The following ACSS2 variants were observed in gnomAD, a reference collection of about 807,000 sequenced individuals.
The protein encoded by ACSS2 is acyl-CoA synthetase short chain family member 2.
Under a neutral mutation model 90.6 loss-of-function variants are expected in ACSS2, and 58 were observed. The observed-to-expected ratio is 0.64, with a 90% CI of 0.52 to 0.80. The LOEUF is 0.80. Ranked by LOEUF, ACSS2 falls within the 30% of genes least tolerant of loss-of-function variation. The probability of loss-of-function intolerance (pLI) is 0.00; values close to 1 mark genes in which losing one functional copy is unlikely to be tolerated. For missense variants in ACSS2, 759 were observed against 912.0 expected (o/e 0.83, Z 2.16); for synonymous variants, 300 against 330.9 (o/e 0.91, Z 1.01).
At position 34,921,318 on chromosome 20, in the gene ACSS2, C is replaced by G. The variant is rs1223055928; in HGVS notation, c.1278-12C>G. 1 of 1,613,996 alleles carries G rather than the reference C, an allele frequency of 6.2e-7. No homozygotes were observed. Among genetic ancestry groups the G allele is most frequent in the Non-Finnish European group, 8.5e-7 (1 of 1,179,994 alleles). On this transcript the variant is annotated splice_polypyrimidine_tract_variant and intron_variant, in intron 10 of 17. Coordinates refer to ENST00000360596, the MANE Select transcript of ACSS2 (RefSeq NM_018677.4). The stretch of plus-strand genomic sequence containing the variant: ...ACTCAGAGCCTTCCTCTCTCCCATT[C>G]CCCTGCCCCAGGCATAGCCGGGCAT...
At chr20:34,885,554 A>C (rs1277913151) in intron 2 of ACSS2, among the ~76,000 whole-genome samples, 1 of 152,214 alleles carries the variant, frequency 6.6e-6, no homozygotes, top group African/African-American at 2.4e-5. Context: ...TAATTCATAA[A>C]ATGATTGAGT....
chr20:34,926,442 A>G (rs1976768743), intron 16 of ACSS2, among the ~76,000 whole-genome samples, 161 bp downstream of exon 16: 1 of 152,154 alleles, frequency 6.6e-6, no homozygotes, highest in South Asian at 2.1e-4. Context: ...AGTCTCCACT[A>G]GTCTCCCACT....
At chr20:34,910,703 G>T (rs974877323) in intron 2 of ACSS2, among the ~76,000 whole-genome samples, 4 of 152,202 alleles carry the variant, frequency 2.6e-5, no homozygotes, top group African/African-American at 7.2e-5. Context: ...TAGGCAGGGT[G>T]ATTGGGAGAT....
In ACSS2 at chr20:34,919,489, G is replaced by A; in HGVS notation, c.889G>A (p.Gly297Arg). 1 of 1,613,030 alleles carries A rather than the reference G, an allele frequency of 6.2e-7. No individual in the cohort carries two copies. Among genetic ancestry groups the A allele is most frequent in the Non-Finnish European group, 8.5e-7 (1 of 1,180,000 alleles). Residue 297 changes from glycine to arginine, a missense_variant, in exon 8 of 18, where the codon GGG becomes AGG. Transcript: ENST00000360596. The part of the protein sequence containing the change: ...LWWHELMQEA[G>R]DECEPEWCDA... The stretch of plus-strand genomic sequence containing the variant: ...GTGGCATGAGCTCATGCAAGAGGCA[G>A]GGGATGAGTGTGAGCCCGAGTGGTG...
At chr20:34,886,492 T>C (rs991336024) in intron 2 of ACSS2, among the ~76,000 whole-genome samples, 1 of 152,050 alleles carries the variant, frequency 6.6e-6, no homozygotes, top group East Asian at 1.9e-4. Context: ...GGCATGGTAG[T>C]GCACACCTGC....
At chr20:34,921,951 C>T (rs1292385069) in intron 13 of ACSS2, 85 bp downstream of exon 13, 3 of 1,535,478 alleles carry the variant, frequency 2.0e-6, no homozygotes, top group East Asian at 4.5e-5. Flanking sequence ...ATAACCTAAT[C>T]TCTCCTGGTA....
intron 2 of ACSS2, among the ~76,000 whole-genome samples, chr20:34,885,353 C>T (rs1005875481): frequency 6.6e-6 from 1 of 152,182 alleles, no homozygotes; most frequent in Admixed American, 6.5e-5. Context: ...TTTTCAATCA[C>T]TGGAGAGTTT....
At chr20:34,888,917 C>G (rs1464846526) in intron 2 of ACSS2, among the ~76,000 whole-genome samples, 1 of 151,922 alleles carries the variant, frequency 6.6e-6, no homozygotes, top group Admixed American at 6.6e-5. Flanking sequence ...AGTATTGACA[C>G]CAGCAGGATA....
At position 34,924,565 on chromosome 20, in the gene ACSS2, T is replaced by C. The variant is rs949828020; in HGVS notation, c.1658-1133T>C. Among the ~76,000 whole-genome samples, 8 of 152,148 alleles carry C rather than the reference T, an allele frequency of 5.3e-5. No homozygotes were observed. In the East Asian group the frequency reaches 1.5e-3, roughly 29 times the overall value. The stretch of plus-strand genomic sequence containing the variant: ...GACTGAAGCCTGTGTGGCTGGAGCG[T>C]AGCAAGCAAAGGGAAGAATATTACA... On this transcript the variant is annotated intron_variant, in intron 14 of 17. Coordinates refer to ENST00000360596, the MANE Select transcript of ACSS2 (RefSeq NM_018677.4).
intron 7 of ACSS2, among the ~76,000 whole-genome samples, chr20:34,916,993 T>C (rs971271272): frequency 1.3e-5 from 2 of 152,204 alleles, no homozygotes; most frequent in Non-Finnish European, 2.9e-5. Flanking sequence ...CAATCAAAGG[T>C]TGCTTTGCTA....
At chr20:34,895,250 C>T (rs2080435591) in intron 2 of ACSS2, among the ~76,000 whole-genome samples, 1 of 151,992 alleles carries the variant, frequency 6.6e-6, no homozygotes, top group Admixed American at 6.6e-5. Context: ...TATATATGCA[C>T]ATATAGGTTA....
At chr20:34,876,905 G>A (rs2079928263) in intron 1 of ACSS2, 82 bp downstream of exon 1, 3 of 944,708 alleles carry the variant, frequency 3.2e-6, no homozygotes, top group East Asian at 3.3e-5. Flanking sequence ...GCTCCCTTGG[G>A]AAGCTGAGGG....
Position 34,876,734 on chromosome 20 carries a change from C to G in ACSS2, c.89C>G (p.Ser30Cys), listed in dbSNP as rs1294423790. The G allele has an allele frequency of 6.9e-7, 1 of 1,439,340 alleles. No homozygotes were observed. The allele number at this position is 1,439,340 out of a possible 1,614,324, so 89.2% of individuals were successfully genotyped here. A position where few individuals can be genotyped will look rare whatever the true frequency, so the allele number is the denominator to read the frequency against. Residue 30 changes from serine (S) to cysteine (C), a missense_variant, in exon 1 of 18, where the codon TCT becomes TGT. By Grantham distance (112) the Ser-to-Cys change is moderately radical (BLOSUM62 -1). Coordinates refer to ENST00000360596, the MANE Select transcript of ACSS2 (RefSeq NM_018677.4). Reference sequence around the variant, plus strand: ...GCCGGAGGCCGGGCGCGGAGTTGGTCTCCGCCGCCCGAGGTCAGCCGCTCC... The same window carrying G: ...GCCGGAGGCCGGGCGCGGAGTTGGTGTCCGCCGCCCGAGGTCAGCCGCTCC... Reference protein sequence around the residue: ...AGAGGRARSWSPPPEVSRSAH... With the variant: ...AGAGGRARSWCPPPEVSRSAH...
chr20:34,913,905 G>C lies in ACSS2; in HGVS notation c.643+80G>C. 4.7e-6 allele frequency: 7 copies of C among 1,479,044 alleles called. No homozygotes were observed. The South Asian group carries it at 7.9e-5, about 17-fold the overall frequency. 91.6% of individuals were successfully genotyped at this position (1,479,044 alleles called of 1,614,324 possible). A position where few individuals can be genotyped will look rare whatever the true frequency, so the allele number is the denominator to read the frequency against. On this transcript the variant is annotated intron_variant, in intron 5 of 17. Transcript: ENST00000360596. ...TCCAATCAGCTCATTGGTATTTGGG[G>C]CTACTCAGCATAGAGGGTAGAGACT...
intron 2 of ACSS2, among the ~76,000 whole-genome samples, chr20:34,890,627 AACCAAAGCCCAAC>A (rs1221959401): frequency 6.6e-6 from 1 of 152,184 alleles, no homozygotes; most frequent in Non-Finnish European, 1.5e-5. Context: ...AGTCCCCAGT[AACCAAAGCCCAAC>A]ACATTTGGTA....
chr20:34,876,825 T>C lies in ACSS2; in HGVS notation c.178+2T>C. On this transcript the variant is annotated splice_donor_variant, in intron 1 of 17. Coordinates refer to ENST00000360596, the MANE Select transcript of ACSS2 (RefSeq NM_018677.4). LOFTEE classifies it high-confidence loss of function. ...GGCGCTCCGTGGAGGAGCCGCGGGG[T>C]GAGGCCCGGCCCGGGCGGGCCTGGG... 2 of 1,297,822 alleles carry C rather than the reference T, an allele frequency of 1.5e-6. No homozygotes were observed. The highest frequency in any genetic ancestry group is 2.0e-6 in the Non-Finnish European group (2 of 1,020,382). 80.4% of individuals were successfully genotyped at this position (1,297,822 alleles called of 1,614,324 possible).
intron 7 of ACSS2, among the ~76,000 whole-genome samples, chr20:34,919,144 G>T (rs2081138166): frequency 6.6e-6 from 1 of 152,180 alleles, no homozygotes; most frequent in Admixed American, 6.5e-5. Flanking sequence ...TGACATTTCA[G>T]CTCAGAATTG....
At chr20:34,902,930 G>A (rs1308123167) in intron 2 of ACSS2, among the ~76,000 whole-genome samples, 2 of 139,932 alleles carry the variant, frequency 1.4e-5, no homozygotes, top group African/African-American at 5.3e-5. Context: ...AGAGCATTTC[G>A]CTATGTTGCC....
At position 34,919,417 on chromosome 20, in the gene ACSS2, C is replaced by G. The variant is rs1306448500; in HGVS notation, c.835-18C>G. On this transcript the variant is annotated intron_variant, in intron 7 of 17. Transcript: ENST00000360596. ...CCATCTTGAGCTGTTCACAGTTCTT[C>G]CCTGCCCATCCCTGCAGATCTCATG... The G allele has an allele frequency of 8.7e-6, 14 of 1,613,594 alleles. No homozygotes were observed. The highest frequency in any genetic ancestry group is 1.7e-4 in the Middle Eastern group (1 of 5,878).
Sources: gnomAD v4.1 joint callset for allele counts (sites outside exome capture counted in the v4.1 genomes callset) on GRCh38, gnomAD v4.1.1 for gene constraint, MANE v1.5 for transcripts, NCBI Gene and HGNC (gene_info 2026-07-23, HGNC 2026-07-21) for gene names.